The following BTD variants were observed in gnomAD, a reference collection of about 807,000 sequenced individuals.
The protein encoded by BTD is biotinidase.
A neutral mutation model predicts 17.7 loss-of-function variants in BTD; 13 were observed. The observed-to-expected ratio is 0.74, with a 90% CI of 0.48 to 1.17. The LOEUF is 1.17. Ranked by LOEUF, BTD falls within the 50% of genes most tolerant of loss-of-function variation. The probability of loss-of-function intolerance (pLI) is 0.00; values close to 1 mark genes in which losing one functional copy is unlikely to be tolerated. For missense variants in BTD, 674 were observed against 650.4 expected (o/e 1.04, Z -0.39); for synonymous variants, 240 against 245.2 (o/e 0.98, Z 0.20).
chr3:15,689,723 C>T (rs990731515), intron 3 of BTD: 4 of 249,898 alleles, frequency 1.6e-5, no homozygotes, highest in Non-Finnish European at 3.1e-5. Flanking sequence ...CTAGGACCTA[C>T]ATGTAAACAA....
In BTD at chr3:15,651,539, C is replaced by T. The variant is rs565074200; in HGVS notation, c.*6051C>T. Among the ~76,000 whole-genome samples the T allele has an allele frequency of 1.8e-4, 27 of 152,250 alleles. No individual in the cohort carries two copies. The highest frequency in any genetic ancestry group is 6.5e-4 in the African/African-American group (27 of 41,548). Reference sequence around the variant, plus strand: ...GAAGCTTATGGAGAGAGCAGGCTGGCGGGAGCAGGGGCTGTGAGAGAGACA... The same window carrying T: ...GAAGCTTATGGAGAGAGCAGGCTGGTGGGAGCAGGGGCTGTGAGAGAGACA... On this transcript the variant is annotated 3_prime_UTR_variant, in exon 4 of 4. Transcript: ENST00000643237.
chr3:15,625,492 G>A lies in BTD; in HGVS notation c.-16-9932G>A, dbSNP rs552790515. Among the ~76,000 whole-genome samples, 15 of 152,234 alleles carry A rather than the reference G, an allele frequency of 9.9e-5. No individual in the cohort carries two copies. The South Asian group carries it at 2.7e-3, about 27-fold the overall frequency. ...CTAGAGGTAAAACCTACAAAAGTGC[G>A]GGTGCCTCCATCTAAGACTGGGTCC... On this transcript the variant is annotated intron_variant, in intron 1 of 3. Transcript: ENST00000643237.
intron 1 of BTD, among the ~76,000 whole-genome samples, chr3:15,619,074 G>A (rs963704992): frequency 3.3e-5 from 5 of 152,082 alleles, no homozygotes; most frequent in South Asian, 2.1e-4. Context: ...TAGGACTTAC[G>A]GTATGATGTT....
intron 3 of BTD, among the ~76,000 whole-genome samples, chr3:15,673,997 G>A (rs1302379590): frequency 4.0e-5 from 6 of 151,470 alleles, no homozygotes; most frequent in African/African-American, 1.5e-4. Flanking sequence ...ACAATATAGT[G>A]AGAGTCTGTC....
intron 3 of BTD, chr3:15,697,425 G>T (rs1320006354): frequency 3.9e-5 from 6 of 151,918 alleles, no homozygotes; most frequent in African/African-American, 1.2e-4. Flanking sequence ...CATCAATAAA[G>T]AACTTATCTA....
At chr3:15,634,965 T>A (rs1472138683) in intron 1 of BTD, among the ~76,000 whole-genome samples, 8 of 152,226 alleles carry the variant, frequency 5.3e-5, no homozygotes, top group Non-Finnish European at 1.2e-4. Context: ...AAAGCCAAGC[T>A]GTGTTATTAG....
At chr3:15,643,135 G>A (rs933783215) in intron 3 of BTD, among the ~76,000 whole-genome samples, 1 of 151,990 alleles carries the variant, frequency 6.6e-6, no homozygotes, top group African/African-American at 2.4e-5. Flanking sequence ...AAAAAACTTT[G>A]ATTTCACTTT....
At chr3:15,697,601 C>T (rs1200341396) in intron 3 of BTD, among the ~76,000 whole-genome samples, 9 of 151,822 alleles carry the variant, frequency 5.9e-5, no homozygotes, top group Non-Finnish European at 1.0e-4. Context: ...GGGATGAAGC[C>T]GAGTTGATTG....
At chr3:15,702,585 C>T (rs1292449613) in intron 3 of BTD, among the ~76,000 whole-genome samples, 1 of 152,296 alleles carries the variant, frequency 6.6e-6, no homozygotes, top group East Asian at 1.9e-4. Flanking sequence ...AGGTTAAAAT[C>T]GGAATGCATT....
At chr3:15,696,683 C>G (rs990176749) in intron 3 of BTD, among the ~76,000 whole-genome samples, 7 of 151,760 alleles carry the variant, frequency 4.6e-5, no homozygotes, top group African/African-American at 1.7e-4. Flanking sequence ...GGATGTTAAA[C>G]AAAACAAAAC....
chr3:15,608,627 A>G (rs112365582), intron 1 of BTD, among the ~76,000 whole-genome samples: 217 of 152,244 alleles, frequency 1.4e-3, no homozygotes, highest in African/African-American at 5.1e-3. Flanking sequence ...TTAGCTGGGC[A>G]TGGTGATGTG....
rs373078064 is a variant in BTD, at chr3:15,616,903, G to A, written c.-17+15009G>A. On this transcript the variant is annotated intron_variant, in intron 1 of 3. Coordinates refer to ENST00000643237, the MANE Select transcript of BTD (RefSeq NM_001370658.1). ...GCTGGAGTGCAGTGGTGCAATCTCG[G>A]CTCACTGCAACCTCCGCCTCCTGGG... 2.6e-5 allele frequency among the ~76,000 whole-genome samples: 4 copies of A among 151,896 alleles called. No homozygotes were observed. The East Asian group carries it at 5.8e-4, about 22-fold the overall frequency.
intron 3 of BTD, among the ~76,000 whole-genome samples, chr3:15,663,922 A>ACT (rs2065951181): frequency 6.6e-6 from 1 of 152,138 alleles, no homozygotes; most frequent in African/African-American, 2.4e-5. Context: ...TTCTTTTGAG[A>ACT]CAGAGTTTCA....
At chr3:15,644,189 A>G in intron 3 of BTD, 127 bp from the exon 4 acceptor site, 2 of 939,250 alleles carry the variant, frequency 2.1e-6, no homozygotes, top group Middle Eastern at 3.4e-4. Flanking sequence ...TTTAGTTGAG[A>G]TGGGGTTTCA....
chr3:15,641,398 A>G (rs920785880), intron 2 of BTD, among the ~76,000 whole-genome samples: 2 of 152,188 alleles, frequency 1.3e-5, no homozygotes, highest in Non-Finnish European at 1.5e-5. Context: ...CCCACAGTCA[A>G]TCAAATCAGA....
chr3:15,644,619 A>G lies in BTD; in HGVS notation c.703A>G (p.Ile235Val), dbSNP rs2065640729. The change falls in exon 4 of 4, where the codon ATC (isoleucine) becomes GTC (valine). Residue 235 changes from isoleucine to valine, a missense_variant. Physicochemically the swap from Ile to Val is conservative, Grantham distance 29. Transcript: ENST00000643237. Reference sequence around the variant, plus strand: ...TGATATATTGTTCTTTGACCCTGCCATCAGAGTCCTCAGAGACTACAAGGT... The same window carrying G: ...TGATATATTGTTCTTTGACCCTGCCGTCAGAGTCCTCAGAGACTACAAGGT... ...CFDILFFDPAIRVLRDYKVKH... is the reference protein window; with the variant it reads ...CFDILFFDPAVRVLRDYKVKH... The G allele has an allele frequency of 6.2e-7, 1 of 1,614,192 alleles. No individual in the cohort carries two copies.
chr3:15,688,986 T>C (rs984504365), intron 3 of BTD, among the ~76,000 whole-genome samples: 2 of 152,212 alleles, frequency 1.3e-5, no homozygotes, highest in Non-Finnish European at 2.9e-5. Flanking sequence ...AAATACTGCA[T>C]TGTTTTGTTG....
chr3:15,643,971 T>TTAA (rs1559598600), intron 3 of BTD, among the ~76,000 whole-genome samples: 1 of 15,122 alleles, frequency 6.6e-5, no homozygotes, highest in Non-Finnish European at 1.5e-4. Context: ...ATTTATTTAA[T>TTAA]TTATTTATTT....
rs35033706 is a variant in BTD, at chr3:15,652,326, CA to C, written c.*6848del. 7.1e-3 allele frequency among the ~76,000 whole-genome samples: 1,060 copies of C among 148,294 alleles called. 6 individuals carry two copies. Among genetic ancestry groups the C allele is most frequent in the Non-Finnish European group, 0.011 (756 of 66,660 alleles). ...GGGCAACAGAGCGACACTCCGTCTC[CA>C]AAAAAAAAAGATACTGCAGCTTCTA... On this transcript the variant is annotated 3_prime_UTR_variant, in exon 4 of 4. Coordinates refer to ENST00000643237, the MANE Select transcript of BTD (RefSeq NM_001370658.1).
Sources: gnomAD v4.1 joint callset for allele counts (sites outside exome capture counted in the v4.1 genomes callset) on GRCh38, gnomAD v4.1.1 for gene constraint, MANE v1.5 for transcripts, NCBI Gene and HGNC (gene_info 2026-07-23, HGNC 2026-07-21) for gene names.